Variants in AUTS2 observed in about 807,000 individuals in gnomAD.
AUTS2 encodes the protein activator of transcription and developmental regulator AUTS2.
In AUTS2, 17 loss-of-function variants were observed where a neutral mutation model predicts 112.4. The observed-to-expected ratio is 0.15, with a 90% CI of 0.10 to 0.23. AUTS2 has a LOEUF of 0.23. Ranked by LOEUF, AUTS2 falls within the 10% of genes least tolerant of loss-of-function variation. The pLI is 1.00. For synonymous variants in AUTS2, 751 were observed against 702.7 expected, an observed-to-expected ratio of 1.07 and a Z score of -1.09; for missense variants, 1,510 against 1,701.6, an observed-to-expected ratio of 0.89 and a Z score of 1.98.
intron 1 of AUTS2, among the ~76,000 whole-genome samples, chr7:69,761,879 A>T (rs1193023198): frequency 6.6e-6 from 1 of 152,198 alleles, no homozygotes; most frequent in African/African-American, 2.4e-5. Flanking sequence ...GATTATCTTG[A>T]TAAAGATTTT....
At chr7:69,845,869 C>T (rs888073811) in intron 1 of AUTS2, among the ~76,000 whole-genome samples, 5 of 152,168 alleles carry the variant, frequency 3.3e-5, no homozygotes, top group Non-Finnish European at 7.3e-5. Flanking sequence ...TCCTGGGATG[C>T]AGGTGCCTGG....
At chr7:70,384,585 C>T (rs574959170) in intron 4 of AUTS2, among the ~76,000 whole-genome samples, 27 of 152,278 alleles carry the variant, frequency 1.8e-4, no homozygotes, top group African/African-American at 2.9e-4. Flanking sequence ...ACGGCGCCAA[C>T]GGTGCCAAGA....
At chr7:70,595,078 A>G (rs1803129557) in intron 5 of AUTS2, among the ~76,000 whole-genome samples, 1 of 151,282 alleles carries the variant, frequency 6.6e-6, no homozygotes, top group Non-Finnish European at 1.5e-5. Context: ...TCCAGCCTGA[A>G]CAAGAGTGAA....
chr7:70,148,007 C>T (rs1381232214), intron 4 of AUTS2, among the ~76,000 whole-genome samples: 1 of 152,112 alleles, frequency 6.6e-6, no homozygotes, highest in African/African-American at 2.4e-5. Context: ...TGTAAACCAG[C>T]TACCAGGCTA....
intron 2 of AUTS2, among the ~76,000 whole-genome samples, chr7:70,021,862 T>A (rs1283496242): frequency 6.6e-6 from 1 of 152,154 alleles, no homozygotes; most frequent in Non-Finnish European, 1.5e-5. Context: ...CAGGTTTATC[T>A]CTCTGACCTT....
intron 2 of AUTS2, among the ~76,000 whole-genome samples, chr7:70,067,512 A>G (rs1263347682): frequency 6.6e-6 from 1 of 152,180 alleles, no homozygotes; most frequent in Non-Finnish European, 1.5e-5. Context: ...TGATCCATTA[A>G]TTCTTTGTCT....
intron 1 of AUTS2, among the ~76,000 whole-genome samples, chr7:69,832,847 T>C (rs1038150552): frequency 6.6e-6 from 1 of 152,162 alleles, no homozygotes; most frequent in Non-Finnish European, 1.5e-5. Flanking sequence ...AACTGCCTCC[T>C]GTTATCTGAG....
chr7:70,385,213 A>AAACT, intron 4 of AUTS2, among the ~76,000 whole-genome samples: 1 of 152,214 alleles, frequency 6.6e-6, no homozygotes, highest in African/African-American at 2.4e-5. Flanking sequence ...CCTAAAGACA[A>AAACT]GTACCATACT....
intron 1 of AUTS2, among the ~76,000 whole-genome samples, chr7:69,731,747 T>C (rs1280567400): frequency 1.3e-5 from 2 of 152,226 alleles, no homozygotes; most frequent in African/African-American, 4.8e-5. Context: ...CATGCCAGTG[T>C]CTTTGTATCT....
At chr7:69,979,811 GCA>G (rs1798219420) in intron 2 of AUTS2, among the ~76,000 whole-genome samples, 1 of 152,214 alleles carries the variant, frequency 6.6e-6, no homozygotes, top group Non-Finnish European at 1.5e-5. Context: ...AGATGCAGCA[GCA>G]GAGAGAGAAA....
At chr7:70,412,949 C>A (rs1415206232) in intron 4 of AUTS2, among the ~76,000 whole-genome samples, 1 of 152,194 alleles carries the variant, frequency 6.6e-6, no homozygotes, top group Non-Finnish European at 1.5e-5. Flanking sequence ...GAGATTGCAC[C>A]ACTGCACTGC....
intron 3 of AUTS2, among the ~76,000 whole-genome samples, chr7:70,124,929 G>GTTTTTTTTTTTTTTTTT (rs1805884404): frequency 6.6e-6 from 1 of 152,100 alleles, no homozygotes; most frequent in Non-Finnish European, 1.5e-5. Flanking sequence ...ACTGGTTTTT[G>GTTTTTTTTTTTTTTTTT]TTTTTGTTTT....
intron 2 of AUTS2, among the ~76,000 whole-genome samples, chr7:70,111,553 T>A (rs1805089658): frequency 6.6e-6 from 1 of 152,206 alleles, no homozygotes; most frequent in Admixed American, 6.5e-5. Flanking sequence ...TGCAAATTGG[T>A]AGAATCTTAA....
chr7:69,906,599 G>C (rs563521316), intron 2 of AUTS2, among the ~76,000 whole-genome samples: 1 of 152,228 alleles, frequency 6.6e-6, no homozygotes, highest in Admixed American at 6.5e-5. Flanking sequence ...CTTTCGAGGA[G>C]CTGTTAATTG....
At chr7:70,247,068 A>T (rs929271932) in intron 4 of AUTS2, among the ~76,000 whole-genome samples, 1 of 152,122 alleles carries the variant, frequency 6.6e-6, no homozygotes, top group African/African-American at 2.4e-5. Flanking sequence ...TTGTTCACCA[A>T]TGTTCATAGC....
intron 1 of AUTS2, among the ~76,000 whole-genome samples, chr7:69,812,898 C>T (rs934776292): frequency 1.3e-5 from 2 of 152,184 alleles, no homozygotes; most frequent in African/African-American, 4.8e-5. Flanking sequence ...CCCACCTGAC[C>T]TCTTTGCTCC....
intron 2 of AUTS2, among the ~76,000 whole-genome samples, chr7:70,014,640 T>C (rs1799948597): frequency 6.6e-6 from 1 of 152,276 alleles, no homozygotes; most frequent in African/African-American, 2.4e-5. Flanking sequence ...ACATGAGTGC[T>C]TTCTCTAACA....
intron 5 of AUTS2, among the ~76,000 whole-genome samples, chr7:70,484,494 C>G (rs1797908995): frequency 6.6e-6 from 1 of 152,196 alleles, no homozygotes; most frequent in Admixed American, 6.5e-5. Flanking sequence ...CTGACGGGAA[C>G]TCAGGGTCTC....
intron 2 of AUTS2, among the ~76,000 whole-genome samples, chr7:69,917,189 G>T (rs1795612142): frequency 2.7e-5 from 4 of 150,664 alleles, no homozygotes; most frequent in Admixed American, 2.0e-4. Flanking sequence ...AATTGTGTGG[G>T]TTTTTTTTTC....
Sources: allele counts gnomAD v4.1 joint callset (sites outside exome capture counted in the v4.1 genomes callset), GRCh38; gene constraint gnomAD v4.1.1; transcripts MANE v1.5; gene names NCBI Gene and HGNC (gene_info 2026-07-23, HGNC 2026-07-21).